IL4I1: variants seen among roughly 807,000 people sequenced by gnomAD.
The protein encoded by IL4I1 is L-amino-acid oxidase.
In IL4I1, 24 loss-of-function variants were observed where a neutral mutation model predicts 29.7. The observed-to-expected ratio is 0.81, with a 90% CI of 0.59 to 1.14. IL4I1 has a LOEUF of 1.14. IL4I1 is among the 50% of genes most tolerant of loss of function. IL4I1 has a pLI of 0.00. For synonymous variants in IL4I1, 371 were observed against 352.5 expected (o/e 1.05, Z -0.59); for missense variants, 686 against 785.6 (o/e 0.87, Z 1.52).
chr19:49,919,529 C>A (rs1034114645), intron 2 of IL4I1, among the ~76,000 whole-genome samples: 13 of 152,340 alleles, frequency 8.5e-5, no homozygotes, highest in African/African-American at 3.1e-4. Flanking sequence ...ACTTGCTACA[C>A]AGGATGGCCT....
At chr19:49,908,035 C>T in intron 2 of IL4I1, 1 of 1,124,936 alleles carries the variant, frequency 8.9e-7, no homozygotes, top group East Asian at 2.6e-5. Flanking sequence ...AAGCCACACC[C>T]ATGAGGCTGC....
rs1568683844 is a variant in IL4I1 at position 49,891,121 on chromosome 19, A to G, written c.637-14T>C. On this transcript the variant is annotated splice_polypyrimidine_tract_variant and intron_variant, in intron 6 of 7. Coordinates refer to ENST00000391826, the MANE Select transcript of IL4I1 (RefSeq NM_152899.2). Reference sequence around the variant, plus strand: ...GAGAAGATATTCCTGCAGGTTGGGCACAGGCCGAGGTTAGGGCCCAGGCAG... The same window carrying G: ...GAGAAGATATTCCTGCAGGTTGGGCGCAGGCCGAGGTTAGGGCCCAGGCAG... 6.2e-7 allele frequency: 1 copy of G among 1,609,932 alleles called. No homozygotes were observed. Among genetic ancestry groups the G allele is most frequent in the Non-Finnish European group, 8.5e-7 (1 of 1,178,458 alleles).
intron 3 of IL4I1, among the ~76,000 whole-genome samples, chr19:49,902,847 T>C (rs2075283049): frequency 1.3e-5 from 2 of 149,368 alleles, no homozygotes; most frequent in South Asian, 4.2e-4. Context: ...CCAGGTGTGG[T>C]GGCTCATGCC....
intron 2 of IL4I1, among the ~76,000 whole-genome samples, chr19:49,904,557 T>A (rs996207598): frequency 1.3e-5 from 2 of 150,768 alleles, no homozygotes; most frequent in African/African-American, 2.4e-5. Flanking sequence ...GAACTTAAAA[T>A]TTTTTTTTTG....
intron 2 of IL4I1, chr19:49,909,564 C>T (rs182434614): frequency 6.2e-7 from 1 of 1,614,054 alleles, no homozygotes; most frequent in East Asian, 2.2e-5. Context: ...CCCCCCGAAG[C>T]AAGAGTCGCT....
chr19:49,904,958 C>A (rs1259774279), intron 2 of IL4I1, among the ~76,000 whole-genome samples: 1 of 152,192 alleles, frequency 6.6e-6, no homozygotes, highest in African/African-American at 2.4e-5. Flanking sequence ...GATCCGCCCA[C>A]CTTGGCCTCC....
At chr19:49,897,731 A>G (rs2075229527), upstream of IL4I1, among the ~76,000 whole-genome samples, 1 of 152,112 alleles carries the variant, frequency 6.6e-6, no homozygotes, top group Middle Eastern at 3.4e-3. Context: ...GGGGGTGGAG[A>G]AACAATAGCA....
At chr19:49,891,604 G>T in intron 5 of IL4I1, 131 bp from the exon 6 acceptor site, 1 of 757,966 alleles carries the variant, frequency 1.3e-6, no homozygotes, top group Non-Finnish European at 2.3e-6. Flanking sequence ...TCAAGCCCCT[G>T]GGCTTTTGCC....
chr19:49,901,067 A>T (rs1251781047), upstream of IL4I1, among the ~76,000 whole-genome samples: 1 of 151,810 alleles, frequency 6.6e-6, no homozygotes, highest in Non-Finnish European at 1.5e-5. Context: ...CTGTCCAAAG[A>T]CCCTAAGTGG....
upstream of IL4I1, chr19:49,901,697 A>G (rs1054021288): frequency 3.3e-6 from 5 of 1,536,678 alleles, no homozygotes; most frequent in Non-Finnish European, 4.4e-6. Context: ...TTAGCCCAGG[A>G]CAGAAGTCAT....
At chr19:49,903,105 ACT>A (rs1251552285) in intron 3 of IL4I1, among the ~76,000 whole-genome samples, 2 of 151,852 alleles carry the variant, frequency 1.3e-5, no homozygotes, top group Non-Finnish European at 2.9e-5. Flanking sequence ...ACAGAGCAGG[ACT>A]CTCTGAAAAA....
rs138503884 is a variant in IL4I1, at chr19:49,891,042, G to C, written c.702C>G (p.Ser234=). The C allele has an allele frequency of 2.0e-4, 327 of 1,612,292 alleles. No individual in the cohort carries two copies. The highest frequency in any genetic ancestry group is 2.5e-4 in the Non-Finnish European group (298 of 1,179,736). ...PAVQLLGDVM[S]EDGFFYLSFA... is the part of the protein sequence containing the mutation. ...AGCTGAGATAGAAGAAGCCATCCTC[G>C]GACATCACGTCTCCCAGAAGCTGCA... Residue 234 remains serine, a synonymous_variant, in exon 7 of 8, where the codon TCC becomes TCG. Coordinates refer to ENST00000391826, the MANE Select transcript of IL4I1 (RefSeq NM_152899.2).
At chr19:49,928,444 G>A (rs1405568608) in intron 1 of IL4I1, 2 of 152,122 alleles carry the variant, frequency 1.3e-5, no homozygotes, top group South Asian at 2.1e-4. Context: ...GTGAACCTGG[G>A]AGGCGGAGTT....
chr19:49,892,632 C>T (rs2075154190), intron 5 of IL4I1, among the ~76,000 whole-genome samples: 1 of 152,196 alleles, frequency 6.6e-6, no homozygotes. Context: ...CGAATCTCAC[C>T]CCCTCCCAGA....
intron 5 of IL4I1, 43 bp downstream of exon 5, chr19:49,894,225 G>T: frequency 6.3e-7 from 1 of 1,579,510 alleles, no homozygotes; most frequent in South Asian, 1.1e-5. Context: ...TTAGGAGGAG[G>T]ACAGAGAAGT....
intron 3 of IL4I1, among the ~76,000 whole-genome samples, chr19:49,902,612 G>A (rs577120034): frequency 6.6e-6 from 1 of 152,248 alleles, no homozygotes; most frequent in South Asian, 2.1e-4. Flanking sequence ...CGGATCACCT[G>A]AGGTCAGGAG....
chr19:49,900,960 C>T (rs368947929), upstream of IL4I1, among the ~76,000 whole-genome samples: 74 of 152,304 alleles, frequency 4.9e-4, no homozygotes, highest in African/African-American at 1.5e-3. Flanking sequence ...CTGGGGGCCT[C>T]GTGGCCCATC....
chr19:49,904,696 C>T (rs1164795225), intron 2 of IL4I1, among the ~76,000 whole-genome samples: 3 of 151,652 alleles, frequency 2.0e-5, no homozygotes, highest in Non-Finnish European at 4.4e-5. Flanking sequence ...ACCACCACGC[C>T]GGGCTAATTT....
intron 2 of IL4I1, among the ~76,000 whole-genome samples, chr19:49,919,371 C>T (rs770565028): frequency 6.6e-6 from 1 of 152,170 alleles, no homozygotes; most frequent in Non-Finnish European, 1.5e-5. Flanking sequence ...ACACAAAAGG[C>T]CGCCTGCTAC....
Sources: gnomAD v4.1 joint callset for allele counts (sites outside exome capture counted in the v4.1 genomes callset) on GRCh38, gnomAD v4.1.1 for gene constraint, MANE v1.5 for transcripts, NCBI Gene and HGNC (gene_info 2026-07-23, HGNC 2026-07-21) for gene names.